The following TNIK variants were observed in gnomAD, a reference collection of about 807,000 sequenced individuals.
TNIK encodes TRAF2 and NCK interacting kinase.
A neutral mutation model predicts 191.3 loss-of-function variants in TNIK; 49 were observed. That is an observed-to-expected ratio of 0.26 (90% CI 0.20 to 0.32). TNIK has a LOEUF of 0.32. Ranked by LOEUF, TNIK falls within the 10% of genes least tolerant of loss-of-function variation. The probability of loss-of-function intolerance (pLI) is 1.00; values close to 1 mark genes in which losing one functional copy is unlikely to be tolerated. For synonymous variants in TNIK, 594 were observed against 600.9 expected, an observed-to-expected ratio of 0.99 and a Z score of 0.17; for missense variants, 1,155 against 1,702.3, an observed-to-expected ratio of 0.68 and a Z score of 5.66.
chr3:171,191,353 C>T (rs1406129305), intron 5 of TNIK, among the ~76,000 whole-genome samples: 2 of 152,280 alleles, frequency 1.3e-5, no homozygotes, highest in Middle Eastern at 3.4e-3. Flanking sequence ...ATTCAAGCGA[C>T]TGCCTCAGCC....
intron 1 of TNIK, among the ~76,000 whole-genome samples, chr3:171,407,709 G>A (rs1721882507): frequency 6.6e-6 from 1 of 152,222 alleles, no homozygotes; most frequent in South Asian, 2.1e-4. Flanking sequence ...GTATTTTGAA[G>A]TTCTTGCTAC....
At chr3:171,420,897 AG>A (rs1434070036) in intron 1 of TNIK, among the ~76,000 whole-genome samples, 15 of 152,308 alleles carry the variant, frequency 9.8e-5, no homozygotes, top group African/African-American at 3.1e-4. Context: ...GGGCAGACAG[AG>A]TGGGACAGCT....
At chr3:171,244,825 A>G (rs935343040) in intron 2 of TNIK, among the ~76,000 whole-genome samples, 4 of 149,822 alleles carry the variant, frequency 2.7e-5, no homozygotes, top group African/African-American at 9.7e-5. Flanking sequence ...AATATTATAT[A>G]TTTATTATTA....
chr3:171,224,555 T>TC (rs747661331), intron 3 of TNIK, among the ~76,000 whole-genome samples: 5 of 152,074 alleles, frequency 3.3e-5, no homozygotes, highest in Non-Finnish European at 5.9e-5. Flanking sequence ...AGTGGTACTC[T>TC]CATTTTGATG....
At chr3:171,186,433 A>G (rs997157038) in intron 7 of TNIK, among the ~76,000 whole-genome samples, 3 of 152,238 alleles carry the variant, frequency 2.0e-5, no homozygotes, top group African/African-American at 7.2e-5. Flanking sequence ...GAAGACCACT[A>G]TGAATTTTTT....
intron 32 of TNIK, among the ~76,000 whole-genome samples, chr3:171,065,614 C>T (rs533334714): frequency 2.6e-5 from 4 of 152,288 alleles, no homozygotes; most frequent in Admixed American, 6.5e-5. Context: ...TCATGCCAGA[C>T]GGACACAGCC....
intron 2 of TNIK, among the ~76,000 whole-genome samples, chr3:171,255,201 C>CCTG (rs1746699125): frequency 2.0e-5 from 3 of 152,146 alleles, no homozygotes; most frequent in Non-Finnish European, 4.4e-5. Flanking sequence ...TTGAAAGAAA[C>CCTG]ATCTGGCCAA....
At chr3:171,459,564 C>G (rs1729188551) in intron 1 of TNIK, among the ~76,000 whole-genome samples, 1 of 152,032 alleles carries the variant, frequency 6.6e-6, no homozygotes, top group African/African-American at 2.4e-5. Context: ...TGTCATCTTG[C>G]AGGTAGCTGG....
intron 1 of TNIK, among the ~76,000 whole-genome samples, chr3:171,451,592 A>G (rs925907911): frequency 3.3e-5 from 5 of 152,244 alleles, no homozygotes; most frequent in Non-Finnish European, 7.3e-5. Context: ...TTAGACCTAA[A>G]TAATAAGATG....
chr3:171,310,056 A>T (rs1466504361), intron 2 of TNIK, among the ~76,000 whole-genome samples: 1 of 152,156 alleles, frequency 6.6e-6, no homozygotes. Flanking sequence ...ACTTCTTCCC[A>T]TGTTAGTTAC....
intron 24 of TNIK, among the ~76,000 whole-genome samples, chr3:171,086,239 G>A (rs973505375): frequency 1.3e-5 from 2 of 152,144 alleles, no homozygotes; most frequent in Non-Finnish European, 2.9e-5. Flanking sequence ...GATCTAATCT[G>A]ATTTAATTCA....
chr3:171,331,827 C>A (rs1411764051), intron 2 of TNIK, among the ~76,000 whole-genome samples: 3 of 152,026 alleles, frequency 2.0e-5, no homozygotes, highest in Non-Finnish European at 2.9e-5. Flanking sequence ...TCTTTGAACG[C>A]CTCTTTTACA....
intron 15 of TNIK, among the ~76,000 whole-genome samples, chr3:171,131,121 G>A (rs1296816513): frequency 2.0e-5 from 3 of 151,702 alleles, no homozygotes; most frequent in Non-Finnish European, 2.9e-5. Flanking sequence ...GGCGGATCAC[G>A]AGGTCAGGAG....
intron 1 of TNIK, among the ~76,000 whole-genome samples, chr3:171,448,772 C>T (rs1339080201): frequency 6.6e-6 from 1 of 152,012 alleles, no homozygotes; most frequent in Non-Finnish European, 1.5e-5. Flanking sequence ...TATTATTATA[C>T]TTTGAGTTCC....
chr3:171,106,630 A>G (rs965199768), intron 21 of TNIK: 4 of 523,316 alleles, frequency 7.6e-6, no homozygotes, highest in African/African-American at 5.8e-5. Flanking sequence ...AAAGCCATAT[A>G]TTTTTCTAAT....
intron 2 of TNIK, among the ~76,000 whole-genome samples, chr3:171,328,451 CT>C (rs1162491073): frequency 6.6e-6 from 1 of 152,198 alleles, no homozygotes; most frequent in African/African-American, 2.4e-5. Flanking sequence ...CAGTTTGCCC[CT>C]ATCCAGAGAC....
intron 7 of TNIK, among the ~76,000 whole-genome samples, chr3:171,182,167 ATTTTTTTTT>A (rs749734562): frequency 1.7e-4 from 11 of 65,612 alleles, no homozygotes; most frequent in East Asian, 6.3e-4. Context: ...CATTGTTAGG[ATTTTTTTTT>A]TTTTTTTTTT....
chr3:171,385,268 GC>G (rs1718573162), intron 1 of TNIK, among the ~76,000 whole-genome samples: 1 of 152,054 alleles, frequency 6.6e-6, no homozygotes, highest in South Asian at 2.1e-4. Context: ...CACCAGCTGG[GC>G]CCTAGAAGAA....
intron 23 of TNIK, among the ~76,000 whole-genome samples, chr3:171,088,237 CTT>C (rs760417147): frequency 4.9e-5 from 7 of 142,824 alleles, no homozygotes; most frequent in Admixed American, 7.0e-5. Context: ...AAAGGTTTTT[CTT>C]TTTTTTTTTT....
Sources: gnomAD v4.1 joint callset for allele counts (sites outside exome capture counted in the v4.1 genomes callset) on GRCh38, gnomAD v4.1.1 for gene constraint, MANE v1.5 for transcripts, NCBI Gene and HGNC (gene_info 2026-07-23, HGNC 2026-07-21) for gene names.